Variants in FAM107B observed in about 807,000 individuals in gnomAD.
FAM107B encodes the protein protein FAM107B.
A neutral mutation model predicts 31.5 loss-of-function variants in FAM107B; 21 were observed. The ratio of observed to expected loss-of-function variants is 0.67; its 90% confidence interval spans 0.47 to 0.96. The LOEUF (loss-of-function observed/expected upper bound fraction) is 0.96. Ranked by LOEUF, FAM107B falls within the 40% of genes least tolerant of loss-of-function variation. The pLI, the probability that FAM107B is intolerant of heterozygous loss-of-function variation, is 0.00. For missense variants in FAM107B, 452 were observed against 377.1 expected (o/e 1.20, Z -1.64); for synonymous variants, 157 against 141.5 (o/e 1.11, Z -0.78).
At chr10:14,748,185 C>T (rs147020031) in intron 1 of FAM107B, among the ~76,000 whole-genome samples, 2 of 152,230 alleles carry the variant, frequency 1.3e-5, no homozygotes, top group East Asian at 3.9e-4. Context: ...GTCATTTCTT[C>T]TATCTCTATA....
rs1030195119 is a variant in FAM107B at position 14,659,035 on chromosome 10, C to T, written c.469+8599G>A. 2.0e-5 allele frequency among the ~76,000 whole-genome samples: 3 copies of T among 152,200 alleles called. No individual in the cohort carries two copies. In the East Asian group the frequency reaches 5.8e-4, roughly 29 times the overall value. On this transcript the variant is annotated intron_variant, in intron 2 of 4. Transcript: ENST00000181796. Reference sequence around the variant, plus strand: ...GAAAACAAAGACCCAACAGAAGGAGCTGTGCAGACCAAAAAGTCCCATAAA... The same window carrying T: ...GAAAACAAAGACCCAACAGAAGGAGTTGTGCAGACCAAAAAGTCCCATAAA...
At chr10:14,592,360 T>G (rs1394678950) in intron 2 of FAM107B, among the ~76,000 whole-genome samples, 1 of 152,226 alleles carries the variant, frequency 6.6e-6, no homozygotes. Flanking sequence ...TCGTAGCAAC[T>G]CTGAGGCTTC....
At chr10:14,756,436 G>A (rs1177854066) in intron 1 of FAM107B, among the ~76,000 whole-genome samples, 1 of 152,100 alleles carries the variant, frequency 6.6e-6, no homozygotes, top group Non-Finnish European at 1.5e-5. Context: ...CGTGTGGGTG[G>A]GCCTCATCCA....
chr10:14,652,037 GT>G (rs778121999), intron 2 of FAM107B, among the ~76,000 whole-genome samples: 1 of 152,198 alleles, frequency 6.6e-6, no homozygotes, highest in Non-Finnish European at 1.5e-5. Flanking sequence ...AAGTTGTACA[GT>G]CGGAGAGAAG....
intron 1 of FAM107B, among the ~76,000 whole-genome samples, chr10:14,767,081 G>C (rs1433051650): frequency 9.7e-6 from 1 of 102,628 alleles, no homozygotes; most frequent in Non-Finnish European, 1.9e-5. Flanking sequence ...GAGAGAGAGA[G>C]AGAGAGAGAG....
chr10:14,656,989 G>A (rs1364283572), intron 2 of FAM107B, among the ~76,000 whole-genome samples: 2 of 152,344 alleles, frequency 1.3e-5, no homozygotes, highest in East Asian at 1.9e-4. Context: ...CCATGGGCAT[G>A]TGAGCACAAT....
chr10:14,687,024 A>C (rs138030330), intron 1 of FAM107B, among the ~76,000 whole-genome samples: 3 of 152,384 alleles, frequency 2.0e-5, no homozygotes, highest in East Asian at 3.9e-4. Flanking sequence ...TTTTACGCTC[A>C]AAAAGCATGG....
intron 2 of FAM107B, among the ~76,000 whole-genome samples, chr10:14,638,079 T>C (rs1853547393): frequency 6.6e-6 from 1 of 152,302 alleles, no homozygotes; most frequent in East Asian, 1.9e-4. Flanking sequence ...ATAACTAATA[T>C]ACTCTCCCAA....
chr10:14,535,938 A>G (rs1847560467), intron 2 of FAM107B, among the ~76,000 whole-genome samples: 1 of 152,170 alleles, frequency 6.6e-6, no homozygotes, highest in Non-Finnish European at 1.5e-5. Context: ...TTCCCTTTCC[A>G]AAGTTCACTC....
At chr10:14,753,928 A>G (rs1832878525) in intron 1 of FAM107B, among the ~76,000 whole-genome samples, 1 of 151,356 alleles carries the variant, frequency 6.6e-6, no homozygotes, top group Non-Finnish European at 1.5e-5. Context: ...TCATAGATGA[A>G]AAGTCTTTTT....
intron 1 of FAM107B, among the ~76,000 whole-genome samples, chr10:14,749,749 C>G (rs1832791884): frequency 1.3e-5 from 2 of 152,204 alleles, no homozygotes; most frequent in African/African-American, 4.8e-5. Flanking sequence ...TCCCTACCAT[C>G]CCGCTGAAGT....
chr10:14,671,120 G>T (rs1047365373), intron 1 of FAM107B, among the ~76,000 whole-genome samples: 1 of 152,044 alleles, frequency 6.6e-6, no homozygotes, highest in Non-Finnish European at 1.5e-5. Context: ...TCTGTGCTCC[G>T]TGAAACCGAC....
intron 1 of FAM107B, among the ~76,000 whole-genome samples, chr10:14,771,133 C>G (rs1331679050): frequency 6.6e-6 from 1 of 152,112 alleles, no homozygotes; most frequent in African/African-American, 2.4e-5. Flanking sequence ...GGAAAACATG[C>G]CATTGCAAAG....
At chr10:14,662,776 G>A (rs1854280298) in intron 2 of FAM107B, among the ~76,000 whole-genome samples, 1 of 152,168 alleles carries the variant, frequency 6.6e-6, no homozygotes, top group Non-Finnish European at 1.5e-5. Context: ...GGGAAGCGAA[G>A]GTGTAGAGGA....
At chr10:14,765,729 A>T (rs1187479540) in intron 1 of FAM107B, among the ~76,000 whole-genome samples, 1 of 152,224 alleles carries the variant, frequency 6.6e-6, no homozygotes, top group Non-Finnish European at 1.5e-5. Flanking sequence ...ATGTCAAACA[A>T]TATGTTTAAC....
At chr10:14,744,347 C>T (rs886938011) in intron 1 of FAM107B, among the ~76,000 whole-genome samples, 2 of 152,160 alleles carry the variant, frequency 1.3e-5, no homozygotes, top group African/African-American at 4.8e-5. Context: ...ATTTCTTTCT[C>T]TTGCCTGATT....
intron 2 of FAM107B, among the ~76,000 whole-genome samples, chr10:14,533,956 A>T (rs1476546509): frequency 1.3e-5 from 2 of 152,112 alleles, no homozygotes; most frequent in African/African-American, 4.8e-5. Context: ...GACTTTTCAG[A>T]CACTTGTGGC....
At chr10:14,560,028 A>G (rs939561880) in intron 2 of FAM107B, among the ~76,000 whole-genome samples, 28 of 151,932 alleles carry the variant, frequency 1.8e-4, no homozygotes, top group African/African-American at 6.5e-4. Flanking sequence ...TGCTTCCCCA[A>G]TCTCATTGCA....
intron 2 of FAM107B, among the ~76,000 whole-genome samples, chr10:14,627,952 A>G (rs1356894174): frequency 6.6e-6 from 1 of 152,034 alleles, no homozygotes; most frequent in Non-Finnish European, 1.5e-5. Flanking sequence ...CGTGAATTCA[A>G]GGGCTTAGGG....
Sources: gnomAD v4.1 joint callset for allele counts (sites outside exome capture counted in the v4.1 genomes callset) on GRCh38, gnomAD v4.1.1 for gene constraint, MANE v1.5 for transcripts, NCBI Gene and HGNC (gene_info 2026-07-23, HGNC 2026-07-21) for gene names.